CYP3A5: variants seen among roughly 807,000 people sequenced by gnomAD.
CYP3A5 encodes cytochrome P450 3A5.
A neutral mutation model predicts 55.9 loss-of-function variants in CYP3A5; 51 were observed. That is an observed-to-expected ratio of 0.91 (90% CI 0.73 to 1.15). CYP3A5 has a LOEUF of 1.15. Among genes scored for constraint, CYP3A5 ranks in the 50% most tolerant of loss-of-function variants. The probability of loss-of-function intolerance (pLI) is 0.00; values close to 1 mark genes in which losing one functional copy is unlikely to be tolerated. For missense variants in CYP3A5, 533 were observed against 596.6 expected (o/e 0.89, Z 1.11); for synonymous variants, 196 against 213.9 (o/e 0.92, Z 0.73).
intron 8 of CYP3A5, chr7:99,663,550 C>T (rs1810657877): frequency 3.0e-6 from 3 of 992,546 alleles, no homozygotes; most frequent in Non-Finnish European, 3.6e-6. Flanking sequence ...GGCAGGTAGC[C>T]TCATAGGACC....
At chr7:99,659,665 C>G (rs538231053) in intron 10 of CYP3A5, 1 of 152,730 alleles carries the variant, frequency 6.5e-6, no homozygotes, top group African/African-American at 2.4e-5. Context: ...TATGCTCTGC[C>G]CCTAGAGGTG....
chr7:99,649,781 TG>T lies in CYP3A5; in HGVS notation c.1413+291del, dbSNP rs201702100. On this transcript the variant is annotated intron_variant, in intron 12 of 12. Coordinates refer to ENST00000222982, the MANE Select transcript of CYP3A5 (RefSeq NM_000777.5). ...CCAGGTAATCATTGCACTTCATGAT[TG>T]TGCAAAACACTTCTTTCCAATTGAC... Among the ~76,000 whole-genome samples, 58 of 152,344 alleles carry T rather than the reference TG, an allele frequency of 3.8e-4. No individual in the cohort carries two copies. The East Asian group carries it at 7.7e-3, about 20-fold the overall frequency.
rs1402139983 is a variant in CYP3A5, at chr7:99,662,752, T to G, written c.865+64A>C. 1 of 1,469,996 alleles carries G rather than the reference T, an allele frequency of 6.8e-7. No homozygotes were observed. Among genetic ancestry groups the G allele is most frequent in the African/African-American group, 1.4e-5 (1 of 71,306 alleles). 91.1% of individuals were successfully genotyped at this position (1,469,996 alleles called of 1,614,324 possible). A position where few individuals can be genotyped will look rare whatever the true frequency, so the allele number is the denominator to read the frequency against. On this transcript the variant is annotated intron_variant, in intron 9 of 12. Coordinates refer to ENST00000222982, the MANE Select transcript of CYP3A5 (RefSeq NM_000777.5). This position sits in a 1 kb window ranked among gnomAD's most constrained non-coding sequence, Gnocchi z 4.3. ...CTTCCTGGAATACTTCCTGCACATT[T>G]TCAGAACAAGGCCCTCCCTCTTAGT...
chr7:99,656,511 C>T (rs1270836765), intron 10 of CYP3A5, among the ~76,000 whole-genome samples: 1 of 152,058 alleles, frequency 6.6e-6, no homozygotes, highest in Non-Finnish European at 1.5e-5. Context: ...TTTTGTATCA[C>T]TGTTCATCAG....
Position 99,648,209 on chromosome 7 carries a change from C to T in CYP3A5, c.*96G>A. ...ACTCATGCAGTACATTAGATTAAGC[C>T]CATCTTTATTTCAAGGTTTTATTGA... is the stretch of plus-strand genomic sequence containing the variant. On this transcript the variant is annotated 3_prime_UTR_variant, in exon 13 of 13. Transcript: ENST00000222982. 4 of 1,507,926 alleles carry T rather than the reference C, an allele frequency of 2.7e-6. No individual in the cohort carries two copies. The highest frequency in any genetic ancestry group is 3.6e-6 in the Non-Finnish European group (4 of 1,124,644). 93.4% of individuals were successfully genotyped at this position (1,507,926 alleles called of 1,614,324 possible). A position where few individuals can be genotyped will look rare whatever the true frequency, so the allele number is the denominator to read the frequency against.
At chr7:99,657,998 C>T (rs1809952014) in intron 10 of CYP3A5, among the ~76,000 whole-genome samples, 1 of 152,172 alleles carries the variant, frequency 6.6e-6, no homozygotes. Flanking sequence ...AGATGGGTTT[C>T]CTGAATACAG....
chr7:99,671,965 C>T (rs1471986023), intron 4 of CYP3A5: 1 of 658,112 alleles, frequency 1.5e-6, no homozygotes, highest in African/African-American at 1.8e-5. Context: ...ATCTGAAAAG[C>T]TCTGTAAACT....
chr7:99,665,406 A>G, intron 6 of CYP3A5, 92 bp from the exon 7 acceptor site: 1 of 1,507,932 alleles, frequency 6.6e-7, no homozygotes, highest in African/African-American at 1.4e-5. Context: ...TCCAGTCAAG[A>G]CACATAAAGA....
At chr7:99,673,965 GA>G (rs1294361458) in intron 3 of CYP3A5, among the ~76,000 whole-genome samples, 2 of 152,204 alleles carry the variant, frequency 1.3e-5, no homozygotes, top group East Asian at 3.8e-4. Flanking sequence ...GACAAGCCTC[GA>G]AAAGTTTTAC....
chr7:99,660,464 C>T, intron 10 of CYP3A5, 35 bp downstream of exon 10: 1 of 1,568,918 alleles, frequency 6.4e-7, no homozygotes, highest in Non-Finnish European at 8.6e-7. Flanking sequence ...TAAGGCTTCA[C>T]CTCTTCCCTT....
chr7:99,656,714 A>C (rs1467574544), intron 10 of CYP3A5, among the ~76,000 whole-genome samples: 1 of 152,062 alleles, frequency 6.6e-6, no homozygotes, highest in Admixed American at 6.5e-5. Context: ...CTGGTCCTGG[A>C]CTTTTTTTGG....
At chr7:99,676,041 G>T in intron 2 of CYP3A5, 74 bp downstream of exon 2, 1 of 1,301,556 alleles carries the variant, frequency 7.7e-7, no homozygotes, top group Non-Finnish European at 1.1e-6. Flanking sequence ...TCCCAAGGAG[G>T]GGCATTTTTA....
At chr7:99,660,243 T>TTA in intron 10 of CYP3A5, 3 of 958,430 alleles carry the variant, frequency 3.1e-6, no homozygotes, top group Non-Finnish European at 3.7e-6. Flanking sequence ...TTTTTTTTTT[T>TTA]TTACTTAGCA....
Position 99,672,526 on chromosome 7 carries a change from A to C in CYP3A5, c.318+54T>G. ...GTGAATATATGTTTTTTTCAAAATAAAAATTTAATCAGTGGATCAATCATT... is the reference window on the plus strand; with the variant it reads ...GTGAATATATGTTTTTTTCAAAATACAAATTTAATCAGTGGATCAATCATT... On this transcript the variant is annotated intron_variant, in intron 4 of 12. Coordinates refer to ENST00000222982, the MANE Select transcript of CYP3A5 (RefSeq NM_000777.5). 3 of 1,473,450 alleles carry C rather than the reference A, an allele frequency of 2.0e-6. No individual in the cohort carries two copies. The East Asian group carries it at 6.8e-5, about 33-fold the overall frequency. The allele number at this position is 1,473,450 out of a possible 1,614,324, so 91.3% of individuals were successfully genotyped here.
intron 4 of CYP3A5, 139 bp from the exon 5 acceptor site, chr7:99,667,204 G>T: frequency 1.9e-6 from 1 of 534,154 alleles, no homozygotes; most frequent in Non-Finnish European, 2.8e-6. Flanking sequence ...TATTCAAGAT[G>T]CTCAATGGAG....
chr7:99,666,448 G>A (rs1204362213), intron 6 of CYP3A5, among the ~76,000 whole-genome samples, 153 bp downstream of exon 6: 1 of 152,174 alleles, frequency 6.6e-6, no homozygotes, highest in Non-Finnish European at 1.5e-5. Context: ...CCTCATGGGA[G>A]CCACTCCCTC....
chr7:99,674,531 A>AC lies in CYP3A5; in HGVS notation c.218+1dup. The AC allele has an allele frequency of 6.2e-7, 1 of 1,613,114 alleles. No homozygotes were observed. Among genetic ancestry groups the AC allele is most frequent in the Non-Finnish European group, 8.5e-7 (1 of 1,179,370 alleles). ...TCCAATGGAGGTTTTCAGAATACTC[A>AC]CCCCCACATTTTTCCATACTTTTTA... is the stretch of plus-strand genomic sequence containing the variant. On this transcript the variant is annotated splice_donor_variant, in intron 3 of 12. Coordinates refer to ENST00000222982, the MANE Select transcript of CYP3A5 (RefSeq NM_000777.5). LOFTEE classifies it high-confidence loss of function.
rs1334221300 is a variant in CYP3A5 at position 99,670,947 on chromosome 7, A to C, written c.318+1633T>G. 4.6e-5 allele frequency: 7 copies of C among 152,182 alleles called. No homozygotes were observed. In the East Asian group the frequency reaches 1.3e-3, roughly 29 times the overall value. The allele number at this position is 152,182 out of a possible 1,614,324, so 9.4% of individuals were successfully genotyped here. A position where few individuals can be genotyped will look rare whatever the true frequency, so the allele number is the denominator to read the frequency against. On this transcript the variant is annotated intron_variant, in intron 4 of 12. Coordinates refer to ENST00000222982, the MANE Select transcript of CYP3A5 (RefSeq NM_000777.5). Reference sequence around the variant, plus strand: ...ATAAAAAATATCAAAAAAGTAGTGAAGTTTAGCTAGATATGTACATTTTCT... The same window carrying C: ...ATAAAAAATATCAAAAAAGTAGTGACGTTTAGCTAGATATGTACATTTTCT...
At chr7:99,668,936 C>A (rs1430208097) in intron 4 of CYP3A5, among the ~76,000 whole-genome samples, 2 of 152,184 alleles carry the variant, frequency 1.3e-5, no homozygotes, top group African/African-American at 4.8e-5. Context: ...ATATTTCAAC[C>A]TACCTTTGTA....
Sources: gnomAD v4.1 joint callset for allele counts (sites outside exome capture counted in the v4.1 genomes callset) on GRCh38, gnomAD v4.1.1 for gene constraint, Gnocchi (gnomAD v3.1) non-coding constraint, MANE v1.5 for transcripts, NCBI Gene and HGNC (gene_info 2026-07-23, HGNC 2026-07-21) for gene names.